The following C18orf63 variants were observed in gnomAD, a reference collection of about 807,000 sequenced individuals.
The protein encoded by C18orf63 is chromosome 18 open reading frame 63.
In C18orf63, 50 loss-of-function variants were observed where a neutral mutation model predicts 75.3. The observed-to-expected ratio is 0.66, with a 90% confidence interval of 0.53 to 0.84. The LOEUF (loss-of-function observed/expected upper bound fraction) is 0.84, where lower values mean the gene tolerates loss of function less well. Among genes scored for constraint, C18orf63 ranks in the 40% least tolerant of loss-of-function variants. The probability of loss-of-function intolerance (pLI) is 0.00; values close to 1 mark genes in which losing one functional copy is unlikely to be tolerated. For missense variants in C18orf63, 732 were observed against 800.2 expected (o/e 0.91, Z 1.03); for synonymous variants, 232 against 267.6 (o/e 0.87, Z 1.30).
At position 74,358,943 on chromosome 18, in the gene C18orf63, T is replaced by A. The variant is rs894600437; in HGVS notation, c.*2496T>A. On this transcript the variant is annotated 3_prime_UTR_variant, in exon 14 of 14. Transcript: ENST00000579455. ...AAAAGGTAAAAAAAAAATGAACTTG[T>A]TAATGATTAGCTTTTATTTGACTAA... The A allele has an allele frequency of 6.6e-6, 1 of 152,168 alleles. No homozygotes were observed. The highest frequency in any genetic ancestry group is 2.4e-5 in the African/African-American group (1 of 41,452). 9.4% of individuals were successfully genotyped at this position (152,168 alleles called of 1,614,324 possible).
intron 11 of C18orf63, 26 bp downstream of exon 11, chr18:74,343,728 T>G: frequency 7.1e-7 from 1 of 1,399,942 alleles, no homozygotes; most frequent in Non-Finnish European, 9.5e-7. Context: ...TCCTATCTAG[T>G]TCTCCAAGAC....
Position 74,343,555 on chromosome 18 carries a change from G to A in C18orf63, c.831G>A (p.Gln277=). The change falls in exon 11 of 14, where the codon CAG becomes CAA. Residue 277 remains glutamine, a synonymous_variant. Transcript: ENST00000579455. The part of the protein sequence containing the change: ...PLSCIRSQPM[Q]FFPRVDSEVV... ...GTTGCATCAGAAGTCAGCCCATGCAGTTCTTTCCAAGGGTAGATTCGGAAG... is the reference window on the plus strand; with the variant it reads ...GTTGCATCAGAAGTCAGCCCATGCAATTCTTTCCAAGGGTAGATTCGGAAG... 1 of 1,534,212 alleles carries A rather than the reference G, an allele frequency of 6.5e-7. No individual in the cohort carries two copies. The highest frequency in any genetic ancestry group is 1.4e-5 in the African/African-American group (1 of 73,098).
rs1443574103 is a variant in C18orf63 at position 74,353,616 on chromosome 18, C to G, written c.1349C>G (p.Thr450Ser). ...AGATTGTTACAAATGAACAAAAATA[C>G]CTCAGTACTTGGCAGCCCAAAAAGA... is the stretch of plus-strand genomic sequence containing the variant. The part of the protein sequence containing the change: ...KNRLLQMNKN[T>S]SVLGSPKRKQ... The change falls in exon 12 of 14, where the codon ACC becomes AGC. Residue 450 changes from threonine (T) to serine (S), a missense_variant. By Grantham distance (58) the Thr-to-Ser change is moderately conservative. Coordinates refer to ENST00000579455, the MANE Select transcript of C18orf63 (RefSeq NM_001174123.2). 6.5e-7 allele frequency: 1 copy of G among 1,536,182 alleles called. No individual in the cohort carries two copies.
intron 7 of C18orf63, among the ~76,000 whole-genome samples, chr18:74,335,546 T>C (rs4891551): frequency 0.1 from 15,253 of 152,166 alleles, 1,038 homozygotes; most frequent in Admixed American, 0.16. Flanking sequence ...GTTGCCATTT[T>C]ACTGTTTGGT....
At chr18:74,337,954 C>T (rs1025096778) in intron 7 of C18orf63, among the ~76,000 whole-genome samples, 2 of 152,018 alleles carry the variant, frequency 1.3e-5, no homozygotes, top group South Asian at 2.1e-4. Context: ...TAGTAGGCAG[C>T]GAAGTTAGAA....
chr18:74,334,644 G>A (rs991578340), intron 7 of C18orf63, among the ~76,000 whole-genome samples: 1 of 152,062 alleles, frequency 6.6e-6, no homozygotes, highest in Non-Finnish European at 1.5e-5. Flanking sequence ...ATTAGGTCAG[G>A]TTGTGGGGAG....
chr18:74,343,732 C>T, intron 11 of C18orf63, 30 bp downstream of exon 11: 1 of 1,334,968 alleles, frequency 7.5e-7, no homozygotes, highest in Non-Finnish European at 9.9e-7. Flanking sequence ...ATCTAGTTCT[C>T]CAAGACATAC....
chr18:74,340,814 A>T (rs1321342859), intron 8 of C18orf63, among the ~76,000 whole-genome samples: 3 of 152,096 alleles, frequency 2.0e-5, no homozygotes, highest in Non-Finnish European at 4.4e-5. Flanking sequence ...GAACTCTCAG[A>T]AGCAGAGAGT....
chr18:74,318,239 G>A (rs934564603), intron 2 of C18orf63, among the ~76,000 whole-genome samples: 1 of 152,092 alleles, frequency 6.6e-6, no homozygotes, highest in Admixed American at 6.5e-5. Context: ...CCTCTTATGT[G>A]CTTTTTAAAA....
At chr18:74,321,777 A>G (rs1453869909) in intron 3 of C18orf63, among the ~76,000 whole-genome samples, 1 of 152,198 alleles carries the variant, frequency 6.6e-6, no homozygotes, top group Non-Finnish European at 1.5e-5. Context: ...ATAAGAGGAA[A>G]GTAGCTATCT....
chr18:74,353,605 G>A lies in C18orf63; in HGVS notation c.1338G>A (p.Met446Ile), dbSNP rs6566798. The change falls in exon 12 of 14, where the codon ATG becomes ATA. Residue 446 changes from methionine (M) to isoleucine (I), a missense_variant. Met to Ile is a conservative substitution (Grantham distance 10). Coordinates refer to ENST00000579455, the MANE Select transcript of C18orf63 (RefSeq NM_001174123.2). ...TTTTCAAAAATAGATTGTTACAAAT[G>A]AACAAAAATACCTCAGTACTTGGCA... ...VPVFKNRLLQ[M>I]NKNTSVLGSP... 0.011 allele frequency: 16,174 copies of A among 1,536,130 alleles called. 1,131 individuals carry two copies. In the African/African-American group the frequency reaches 0.17, roughly 16 times the overall value.
chr18:74,353,625 T>G lies in C18orf63; in HGVS notation c.1358T>G (p.Leu453Arg), dbSNP rs1984708487. ...LLQMNKNTSV[L>R]GSPKRKQHDV... The stretch of plus-strand genomic sequence containing the variant: ...CAAATGAACAAAAATACCTCAGTAC[T>G]TGGCAGCCCAAAAAGAAAACAGCAT... Residue 453 changes from leucine (L) to arginine (R), a missense_variant, in exon 12 of 14, where the codon CTT (leucine) becomes CGT (arginine). Coordinates refer to ENST00000579455, the MANE Select transcript of C18orf63 (RefSeq NM_001174123.2). 1 of 1,536,144 alleles carries G rather than the reference T, an allele frequency of 6.5e-7. No individual in the cohort carries two copies. The highest frequency in any genetic ancestry group is 8.7e-7 in the Non-Finnish European group (1 of 1,146,938).
intron 4 of C18orf63, among the ~76,000 whole-genome samples, chr18:74,324,407 T>G (rs571062613): frequency 1.8e-4 from 28 of 152,232 alleles, no homozygotes; most frequent in Non-Finnish European, 3.8e-4. Flanking sequence ...TGGTCTTTAT[T>G]TAAAAGCTTG....
chr18:74,318,364 G>C (rs889866913), intron 2 of C18orf63, among the ~76,000 whole-genome samples: 2 of 152,144 alleles, frequency 1.3e-5, no homozygotes, highest in African/African-American at 4.8e-5. Context: ...ATTTCCAGTA[G>C]GTGGGGCACT....
chr18:74,322,899 C>T (rs1046528246), intron 4 of C18orf63, 145 bp downstream of exon 4: 3 of 310,602 alleles, frequency 9.7e-6, no homozygotes, highest in Admixed American at 9.8e-5. Context: ...TTTTTTCTAA[C>T]AATTATTATG....
rs2144450948 is a variant in C18orf63, at chr18:74,359,110, G to C, written c.*2663G>C. On this transcript the variant is annotated 3_prime_UTR_variant, in exon 14 of 14. Coordinates refer to ENST00000579455, the MANE Select transcript of C18orf63 (RefSeq NM_001174123.2). ...AAGAATGTCATGGTCCTTATGTTTT[G>C]ATGTTTAAAATGTTCACTTTGTTGT... The C allele has an allele frequency of 6.6e-6, 1 of 152,194 alleles. No homozygotes were observed. Among genetic ancestry groups the C allele is most frequent in the East Asian group, 1.9e-4 (1 of 5,182 alleles). The allele number at this position is 152,194 out of a possible 1,614,324, so 9.4% of individuals were successfully genotyped here. A position where few individuals can be genotyped will look rare whatever the true frequency, so the allele number is the denominator to read the frequency against.
At chr18:74,331,068 A>C in intron 7 of C18orf63, 126 bp downstream of exon 7, 3 of 377,702 alleles carry the variant, frequency 7.9e-6, no homozygotes, top group Middle Eastern at 7.1e-4. Flanking sequence ...TTTTATTATC[A>C]AAATCTGTAT....
At chr18:74,316,897 A>G (rs1017401266) in intron 1 of C18orf63, among the ~76,000 whole-genome samples, 1 of 152,266 alleles carries the variant, frequency 6.6e-6, no homozygotes, top group Non-Finnish European at 1.5e-5. Flanking sequence ...TCTTGTTTAC[A>G]TACAGTGTTG....
intron 11 of C18orf63, among the ~76,000 whole-genome samples, chr18:74,353,033 G>A (rs946667393): frequency 6.6e-6 from 1 of 152,154 alleles, no homozygotes; most frequent in East Asian, 1.9e-4. Flanking sequence ...TCTTAAGATA[G>A]TATCTTGGAT....
Sources: gnomAD v4.1 joint callset for allele counts (sites outside exome capture counted in the v4.1 genomes callset) on GRCh38, gnomAD v4.1.1 for gene constraint, MANE v1.5 for transcripts, NCBI Gene and HGNC (gene_info 2026-07-23, HGNC 2026-07-21) for gene names.